MYO1B: variants seen among roughly 807,000 people sequenced by gnomAD.
MYO1B encodes myosin IB.
Under a neutral mutation model 159.7 loss-of-function variants are expected in MYO1B, and 72 were observed. The observed-to-expected ratio is 0.45, with a 90% CI of 0.37 to 0.55. MYO1B has a LOEUF of 0.55. Among genes scored for constraint, MYO1B ranks in the 20% least tolerant of loss-of-function variants. MYO1B has a pLI of 0.00. For missense variants in MYO1B, 1,062 were observed against 1,364.8 expected (o/e 0.78, Z 3.50); for synonymous variants, 468 against 473.8 (o/e 0.99, Z 0.16).
At chr2:191,265,195 T>G (rs1025941963) in intron 1 of MYO1B, among the ~76,000 whole-genome samples, 1 of 151,350 alleles carries the variant, frequency 6.6e-6, no homozygotes, top group Non-Finnish European at 1.5e-5. Flanking sequence ...CTGTTTTTTT[T>G]TTTTTTTTTT....
At chr2:191,403,658 AT>A (rs564482027) in intron 24 of MYO1B, among the ~76,000 whole-genome samples, 46 of 152,026 alleles carry the variant, frequency 3.0e-4, no homozygotes, top group African/African-American at 9.9e-4. Flanking sequence ...AACAATCTGC[AT>A]TTTTTTTCTG....
chr2:191,408,019 CTTGT>C, intron 24 of MYO1B, 92 bp from the exon 25 acceptor site: 3 of 731,070 alleles, frequency 4.1e-6, no homozygotes, highest in South Asian at 2.0e-5. Context: ...TATAAACTGA[CTTGT>C]TTGACATTTT....
At chr2:191,343,919 A>C (rs115756970) in intron 5 of MYO1B, among the ~76,000 whole-genome samples, 4 of 152,332 alleles carry the variant, frequency 2.6e-5, no homozygotes, top group African/African-American at 9.6e-5. Flanking sequence ...CAAGTGTTCT[A>C]TAATGGAACA....
chr2:191,363,918 C>T (rs1339471869), intron 10 of MYO1B, 43 bp downstream of exon 10: 42 of 1,607,378 alleles, frequency 2.6e-5, no homozygotes, highest in Admixed American at 8.3e-5. Flanking sequence ...AGGAAACTTG[C>T]TTTGAACTTC....
intron 7 of MYO1B, among the ~76,000 whole-genome samples, chr2:191,359,789 G>A (rs138654070): frequency 1.5e-3 from 222 of 152,236 alleles, no homozygotes; most frequent in South Asian, 4.1e-3. Context: ...TACTAATTTG[G>A]AATTTTATAG....
At chr2:191,305,162 G>GGT (rs1397012657) in intron 3 of MYO1B, among the ~76,000 whole-genome samples, 7 of 152,344 alleles carry the variant, frequency 4.6e-5, no homozygotes, top group Non-Finnish European at 8.8e-5. Flanking sequence ...TGTCTAGGGA[G>GGT]GTGGGAGGGG....
intron 1 of MYO1B, among the ~76,000 whole-genome samples, chr2:191,273,692 A>G (rs1432969145): frequency 6.6e-6 from 1 of 152,258 alleles, no homozygotes; most frequent in Middle Eastern, 3.2e-3. Flanking sequence ...TTTGGTACCC[A>G]GAACAGCATG....
At chr2:191,419,605 G>C (rs1183875050) in intron 30 of MYO1B, among the ~76,000 whole-genome samples, 3 of 152,112 alleles carry the variant, frequency 2.0e-5, no homozygotes, top group Admixed American at 6.5e-5. Context: ...GGTCCTTAAG[G>C]GGGTATTTCA....
In MYO1B at chr2:191,416,155, G is replaced by T; in HGVS notation, c.3200G>T (p.Ser1067Ile). ...AGTAAAGGAGACTTTCTCTTCAGCA[G>T]TGATCACCTGATTGAAATGGCCACC... ...AASKGDFLFS[S>I]DHLIEMATKL... Residue 1067 changes from serine (S) to isoleucine (I), a missense_variant, in exon 30 of 31, where the codon AGT becomes ATT. Ser to Ile is a moderately radical substitution (Grantham distance 142, BLOSUM62 -2). This residue lies in a region of MYO1B where 609 missense variants were observed against 744.4 expected (regional missense o/e 0.82). Transcript: ENST00000392318. The T allele has an allele frequency of 6.2e-7, 1 of 1,614,190 alleles. No homozygotes were observed.
chr2:191,322,028 G>T (rs1690748981), intron 3 of MYO1B, among the ~76,000 whole-genome samples: 1 of 152,172 alleles, frequency 6.6e-6, no homozygotes. Context: ...GGCAGTGGAA[G>T]CCATTCATGC....
rs566231362 is a variant in MYO1B at position 191,350,233 on chromosome 2, T to C, written c.562+8T>C. The C allele has an allele frequency of 3.5e-4, 559 of 1,604,952 alleles. 3 individuals are homozygous for C. In the South Asian group the frequency reaches 5.8e-3, roughly 17 times the overall value. ...GAGGAGTAATAAGTAACTGTGAGTA[T>C]TTTTCTTCAGTCCTTGTAAAGAAGT... On this transcript the variant is annotated splice_region_variant and intron_variant, in intron 7 of 30. Transcript: ENST00000392318.
chr2:191,386,559 T>C (rs1695411914), intron 16 of MYO1B, among the ~76,000 whole-genome samples: 1 of 152,196 alleles, frequency 6.6e-6, no homozygotes, highest in Non-Finnish European at 1.5e-5. Flanking sequence ...ATTAATTTTA[T>C]GTCTAATATA....
At chr2:191,345,547 G>A (rs1347832367) in intron 5 of MYO1B, among the ~76,000 whole-genome samples, 2 of 152,086 alleles carry the variant, frequency 1.3e-5, no homozygotes, top group East Asian at 3.9e-4. Flanking sequence ...GTCCTGTGAG[G>A]GATTTGTCTC....
chr2:191,386,089 G>C lies in MYO1B; in HGVS notation c.1554+5G>C. ...ATCCAGCATTATGCTGGAAAGGTAT[G>C]GGGGAGCTGTGAGCACCCAGTCAGG... On this transcript the variant is annotated splice_donor_5th_base_variant and intron_variant, in intron 16 of 30. Coordinates refer to ENST00000392318, the MANE Select transcript of MYO1B (RefSeq NM_001130158.3). 6.2e-7 allele frequency: 1 copy of C among 1,613,694 alleles called. No individual in the cohort carries two copies. The highest frequency in any genetic ancestry group is 8.5e-7 in the Non-Finnish European group (1 of 1,179,782).
chr2:191,329,958 A>G lies in MYO1B; in HGVS notation c.275A>G (p.Tyr92Cys), dbSNP rs771994238. 8 of 1,612,466 alleles carry G rather than the reference A, an allele frequency of 5.0e-6. No individual in the cohort carries two copies. The South Asian group carries it at 8.8e-5, about 18-fold the overall frequency. ...AGCTTTGCCCTTTCGGATGAAGCAT[A>G]CAGATCCCTACGAGATCAAGATAAG... ...PHIFALSDEAYRSLRDQDKDQ... is the reference protein window; with the variant it reads ...PHIFALSDEACRSLRDQDKDQ... Residue 92 changes from tyrosine (Y) to cysteine (C), a missense_variant, in exon 4 of 31, where the codon TAC becomes TGC. Tyr to Cys is a radical substitution (Grantham distance 194). Transcript: ENST00000392318.
chr2:191,374,591 T>C (rs1015255676), intron 13 of MYO1B, among the ~76,000 whole-genome samples: 1 of 152,206 alleles, frequency 6.6e-6, no homozygotes, highest in Non-Finnish European at 1.5e-5. Context: ...TGATGACACA[T>C]GGATTTGACT....
At chr2:191,393,329 C>A in intron 20 of MYO1B, 107 bp downstream of exon 20, 1 of 1,258,600 alleles carries the variant, frequency 7.9e-7, no homozygotes, top group Non-Finnish European at 1.1e-6. Context: ...CTCCCAACAA[C>A]CTCATGAGAT....
intron 7 of MYO1B, among the ~76,000 whole-genome samples, chr2:191,355,099 C>A (rs1693186214): frequency 6.6e-6 from 1 of 152,220 alleles, no homozygotes; most frequent in Admixed American, 6.5e-5. Flanking sequence ...TCTTGCTGAT[C>A]TTGGGAATTC....
Position 191,245,429 on chromosome 2 carries a change from G to A in MYO1B, c.-207G>A, listed in dbSNP as rs1437753199. 6.6e-6 allele frequency: 1 copy of A among 152,008 alleles called. No homozygotes were observed. Among genetic ancestry groups the A allele is most frequent in the East Asian group, 1.9e-4 (1 of 5,184 alleles). The allele number at this position is 152,008 out of a possible 1,614,324, so 9.4% of individuals were successfully genotyped here. Reference sequence around the variant, plus strand: ...GAGCACTCCGCAGCTGGGTGCGCACGGGAGCCTCAACCGCGGCGCGTGGAG... The same window carrying A: ...GAGCACTCCGCAGCTGGGTGCGCACAGGAGCCTCAACCGCGGCGCGTGGAG... On this transcript the variant is annotated 5_prime_UTR_variant, in exon 1 of 31. Coordinates refer to ENST00000392318, the MANE Select transcript of MYO1B (RefSeq NM_001130158.3).
Sources: gnomAD v4.1 joint callset for allele counts (sites outside exome capture counted in the v4.1 genomes callset) on GRCh38, gnomAD v4.1.1 for gene constraint, gnomAD v4.1.1 regional missense constraint, MANE v1.5 for transcripts, NCBI Gene and HGNC (gene_info 2026-07-23, HGNC 2026-07-21) for gene names.